The following CLINT1 variants were observed in gnomAD, a reference collection of about 807,000 sequenced individuals.
The protein encoded by CLINT1 is clathrin interactor 1.
A neutral mutation model predicts 70.4 loss-of-function variants in CLINT1; 15 were observed. That is an observed-to-expected ratio of 0.21 (90% CI 0.14 to 0.33). CLINT1 has a LOEUF of 0.33. Among genes scored for constraint, CLINT1 ranks in the 10% least tolerant of loss-of-function variants. CLINT1 has a pLI of 1.00. For missense variants in CLINT1, 615 were observed against 778.1 expected, an observed-to-expected ratio of 0.79 and a Z score of 2.49; for synonymous variants, 227 against 254.7, an observed-to-expected ratio of 0.89 and a Z score of 1.04.
intron 8 of CLINT1, among the ~76,000 whole-genome samples, chr5:157,800,422 A>G (rs1228051678): frequency 6.6e-6 from 1 of 152,154 alleles, no homozygotes; most frequent in Non-Finnish European, 1.5e-5. Flanking sequence ...AATATGGTAG[A>G]TTCTTATACC....
At chr5:157,844,092 G>GT (rs1456068627) in intron 1 of CLINT1, among the ~76,000 whole-genome samples, 3 of 151,896 alleles carry the variant, frequency 2.0e-5, no homozygotes, top group African/African-American at 4.8e-5. Context: ...GTAGGCTATA[G>GT]TTTTTTTCAT....
chr5:157,851,138 G>GCAAA (rs111792257), intron 1 of CLINT1, among the ~76,000 whole-genome samples: 5 of 151,536 alleles, frequency 3.3e-5, no homozygotes, highest in Admixed American at 2.0e-4. Flanking sequence ...AAAACAAATG[G>GCAAA]CAAACAAACA....
intron 1 of CLINT1, among the ~76,000 whole-genome samples, chr5:157,842,535 T>C (rs1030053278): frequency 1.3e-5 from 2 of 152,246 alleles, no homozygotes; most frequent in African/African-American, 4.8e-5. Flanking sequence ...GATATGATGG[T>C]AACAGACTAT....
intron 1 of CLINT1, among the ~76,000 whole-genome samples, chr5:157,830,796 C>CTCTCTCTCTCTCTCTCTATATA (rs1300619885): frequency 1.2e-5 from 1 of 85,720 alleles, no homozygotes; most frequent in African/African-American, 5.1e-5. Flanking sequence ...CTCTCTCTCT[C>CTCTCTCTCTCTCTCTCTATATA]TATATATATA....
At chr5:157,804,051 AAAAAAAAT>A (rs1478675942) in intron 7 of CLINT1, among the ~76,000 whole-genome samples, 2 of 151,456 alleles carry the variant, frequency 1.3e-5, no homozygotes, top group African/African-American at 4.9e-5. Flanking sequence ...AAAAAAAAAA[AAAAAAAAT>A]ACCCTAGCAT....
chr5:157,814,682 A>T (rs1048484709), intron 3 of CLINT1, among the ~76,000 whole-genome samples: 1 of 152,234 alleles, frequency 6.6e-6, no homozygotes, highest in East Asian at 1.9e-4. Context: ...AAACAATCCT[A>T]TAGTATTTTC....
intron 1 of CLINT1, among the ~76,000 whole-genome samples, chr5:157,817,829 T>TA (rs899345801): frequency 1.6e-4 from 25 of 151,732 alleles, no homozygotes; most frequent in African/African-American, 3.6e-4. Flanking sequence ...AAGGTCAAAT[T>TA]AAAAAAAACA....
chr5:157,818,270 A>G (rs757113640), intron 1 of CLINT1, among the ~76,000 whole-genome samples: 22 of 152,078 alleles, frequency 1.4e-4, no homozygotes, highest in Non-Finnish European at 2.8e-4. Flanking sequence ...GTGACCTTTG[A>G]CAAAATTATT....
Position 157,787,518 on chromosome 5 carries a change from G to A in CLINT1, c.*128C>T, listed in dbSNP as rs1761761805. 1 of 832,930 alleles carries A rather than the reference G, an allele frequency of 1.2e-6. No individual in the cohort carries two copies. Among genetic ancestry groups the A allele is most frequent in the East Asian group, 2.5e-5 (1 of 40,146 alleles). The allele number at this position is 832,930 out of a possible 1,614,324, so 51.6% of individuals were successfully genotyped here. Reference sequence around the variant, plus strand: ...TTCACTTTTATAAAACAGCCTTTTTGGTTCTTTATGTAGATTTATTTTAAT... The same window carrying A: ...TTCACTTTTATAAAACAGCCTTTTTAGTTCTTTATGTAGATTTATTTTAAT... On this transcript the variant is annotated 3_prime_UTR_variant, in exon 12 of 12. Transcript: ENST00000411809.
intron 9 of CLINT1, among the ~76,000 whole-genome samples, chr5:157,792,376 T>A (rs1489796693): frequency 6.6e-6 from 1 of 151,980 alleles, no homozygotes; most frequent in African/African-American, 2.4e-5. Context: ...TGAAACCTCA[T>A]CTCTACTAAA....
intron 1 of CLINT1, among the ~76,000 whole-genome samples, chr5:157,835,722 A>G (rs904757544): frequency 3.3e-5 from 5 of 152,110 alleles, no homozygotes; most frequent in Admixed American, 1.3e-4. Flanking sequence ...CCTCTACTCA[A>G]CAAACACACA....
chr5:157,813,118 C>A lies in CLINT1; in HGVS notation c.462G>T (p.Lys154Asn), dbSNP rs1223180090. ...RLREERKKAK[K>N]NKDKYVGVSS... ...AAACCCCAACATACTTGTCTTTGTT[C>A]TTCTTTGCTTTCTTTCGCTCTTCAC... is the stretch of plus-strand genomic sequence containing the variant. Residue 154 changes from lysine (K) to asparagine (N), a missense_variant, in exon 5 of 12, where the codon AAG (lysine) becomes AAT (asparagine). Physicochemically the swap from Lys to Asn is moderately conservative, Grantham distance 94 (BLOSUM62 0). Coordinates refer to ENST00000411809, the MANE Select transcript of CLINT1 (RefSeq NM_014666.4). 3.7e-6 allele frequency: 6 copies of A among 1,613,862 alleles called. No individual in the cohort carries two copies. Among genetic ancestry groups the A allele is most frequent in the Non-Finnish European group, 5.1e-6 (6 of 1,179,820 alleles).
intron 3 of CLINT1, 76 bp downstream of exon 3, chr5:157,816,658 C>T: frequency 1.1e-6 from 1 of 910,430 alleles, no homozygotes; most frequent in Non-Finnish European, 1.8e-6. Context: ...TTCAAAATCA[C>T]CTATGTATAT....
rs1271428426 is a variant in CLINT1 at position 157,788,277 on chromosome 5, C to T, written c.1532-285G>A. 3.3e-5 allele frequency among the ~76,000 whole-genome samples: 5 copies of T among 152,240 alleles called. No homozygotes were observed. In the South Asian group the frequency reaches 1.0e-3, roughly 32 times the overall value. On this transcript the variant is annotated intron_variant, in intron 11 of 11. Transcript: ENST00000411809. The stretch of plus-strand genomic sequence containing the variant: ...CTACAAAACCTATTGTTAAATCCTA[C>T]TTAACAAGTTGTCAAGAGCTAGTGT...
chr5:157,831,886 T>C (rs1039102788), intron 1 of CLINT1, among the ~76,000 whole-genome samples: 1 of 151,932 alleles, frequency 6.6e-6, no homozygotes, highest in Non-Finnish European at 1.5e-5. Context: ...GAGACGGGGT[T>C]GCACCACGTT....
chr5:157,808,533 G>T (rs967352208), intron 6 of CLINT1, among the ~76,000 whole-genome samples: 3 of 152,078 alleles, frequency 2.0e-5, no homozygotes, highest in African/African-American at 7.2e-5. Context: ...GAGATATTGT[G>T]AGGCACAAAT....
At chr5:157,832,114 A>C (rs1763266146) in intron 1 of CLINT1, among the ~76,000 whole-genome samples, 1 of 152,106 alleles carries the variant, frequency 6.6e-6, no homozygotes, top group Admixed American at 6.5e-5. Context: ...CAGCCTCCAG[A>C]GTAGCTGGGG....
Position 157,827,355 on chromosome 5 carries a change from A to AT in CLINT1, c.42-9809dup, listed in dbSNP as rs141072881. Among the ~76,000 whole-genome samples the AT allele has an allele frequency of 6.0e-3, 914 of 152,312 alleles. 9 individuals carry two copies. The highest frequency in any genetic ancestry group is 0.021 in the African/African-American group (873 of 41,574). ...AATAACCCATTTTATATAAAAGGTCATTAAATGTTTATAGTCCAACATAAA... is the reference window on the plus strand; with the variant it reads ...AATAACCCATTTTATATAAAAGGTCATTTAAATGTTTATAGTCCAACATAAA... On this transcript the variant is annotated intron_variant, in intron 1 of 11. Transcript: ENST00000411809.
chr5:157,853,777 CAAAAAAAAAAAA>C (rs11316474), intron 1 of CLINT1, among the ~76,000 whole-genome samples: 1 of 48,020 alleles, frequency 2.1e-5, no homozygotes, highest in Admixed American at 3.4e-4. Context: ...GACACCATCT[CAAAAAAAAAAAA>C]AAAAAAAAAA....
Sources: gnomAD v4.1 joint callset for allele counts (sites outside exome capture counted in the v4.1 genomes callset) on GRCh38, gnomAD v4.1.1 for gene constraint, MANE v1.5 for transcripts, NCBI Gene and HGNC (gene_info 2026-07-23, HGNC 2026-07-21) for gene names.